The following SLC24A2 variants were observed in gnomAD, a reference collection of about 807,000 sequenced individuals.
SLC24A2 encodes the protein sodium/potassium/calcium exchanger 2.
In SLC24A2, 36 loss-of-function variants were observed where a neutral mutation model predicts 62.0. The ratio of observed to expected loss-of-function variants is 0.58; its 90% CI spans 0.44 to 0.77. The LOEUF (loss-of-function observed/expected upper bound fraction) is 0.77, where lower values mean the gene tolerates loss of function less well. Ranked by LOEUF, SLC24A2 falls within the 30% of genes least tolerant of loss-of-function variation. The pLI is 0.00. For synonymous variants in SLC24A2, 358 were observed against 294.0 expected (o/e 1.22, Z -2.23); for missense variants, 846 against 817.9 (o/e 1.03, Z -0.42).
chr9:19,983,128 C>T, the SLC24A2 span, among the ~76,000 whole-genome samples: 1 of 152,130 alleles, frequency 6.6e-6, no homozygotes, highest in African/African-American at 2.4e-5. Flanking sequence ...TTTACCATTG[C>T]TATTCAACAT....
chr9:20,016,234 T>C, the SLC24A2 span, among the ~76,000 whole-genome samples: 186 of 152,334 alleles, frequency 1.2e-3, no homozygotes, highest in Middle Eastern at 3.4e-3. Flanking sequence ...TACTGTATTA[T>C]TACAGAACTC....
intron 7 of SLC24A2, among the ~76,000 whole-genome samples, chr9:19,556,212 T>C (rs1414755258): frequency 3.3e-5 from 5 of 152,174 alleles, no homozygotes; most frequent in Non-Finnish European, 7.3e-5. Flanking sequence ...TGATAATCCA[T>C]TTAGCTTCTT....
chr9:19,750,954 G>A (rs1249130628), intron 2 of SLC24A2, among the ~76,000 whole-genome samples: 2 of 152,160 alleles, frequency 1.3e-5, no homozygotes, highest in African/African-American at 4.8e-5. Context: ...CCGGCTTCTG[G>A]TAAGCCGGCT....
At chr9:19,839,186 A>G in the SLC24A2 span, among the ~76,000 whole-genome samples, 5 of 152,232 alleles carry the variant, frequency 3.3e-5, no homozygotes, top group South Asian at 6.2e-4. Context: ...GAAAACCACA[A>G]TGAGGTACCA....
intron 2 of SLC24A2, among the ~76,000 whole-genome samples, chr9:19,680,851 TTG>T (rs72142691): frequency 0.34 from 49,834 of 146,720 alleles, 9,481 homozygotes; most frequent in East Asian, 0.64. Context: ...TATACCAGAG[TTG>T]TGTGTGTGTG....
At chr9:19,584,734 AAAAT>A (rs1342423810) in intron 5 of SLC24A2, among the ~76,000 whole-genome samples, 1 of 152,174 alleles carries the variant, frequency 6.6e-6, no homozygotes, top group African/African-American at 2.4e-5. Flanking sequence ...TTATTTCTTA[AAAAT>A]AATAATTTCA....
At chr9:19,991,035 CACATACATACATACAT>C in the SLC24A2 span, among the ~76,000 whole-genome samples, 4 of 146,924 alleles carry the variant, frequency 2.7e-5, no homozygotes, top group Admixed American at 1.4e-4. Context: ...CATATATACA[CACATACATACATACAT>C]ACATACATAC....
intron 2 of SLC24A2, among the ~76,000 whole-genome samples, chr9:19,722,797 A>C (rs1376469255): frequency 1.3e-5 from 2 of 152,140 alleles, no homozygotes; most frequent in African/African-American, 4.8e-5. Context: ...ATCTTAGCAC[A>C]TATGTATTGT....
At chr9:20,144,571 T>C in the SLC24A2 span, among the ~76,000 whole-genome samples, 2 of 152,146 alleles carry the variant, frequency 1.3e-5, no homozygotes, top group East Asian at 3.9e-4. Context: ...AGATCCACTG[T>C]TTAACAAAAA....
chr9:20,079,003 A>G, the SLC24A2 span, among the ~76,000 whole-genome samples: 1 of 145,340 alleles, frequency 6.9e-6, no homozygotes, highest in Non-Finnish European at 1.5e-5. Context: ...CCCCTAGAAC[A>G]TGTGAATGTG....
intron 9 of SLC24A2, among the ~76,000 whole-genome samples, chr9:19,527,701 G>GT (rs1488657796): frequency 1.3e-5 from 2 of 152,322 alleles, no homozygotes; most frequent in South Asian, 2.1e-4. Context: ...AGAACGTGAG[G>GT]TGAGTGGCTG....
chr9:19,824,963 T>G, the SLC24A2 span, among the ~76,000 whole-genome samples: 1 of 152,074 alleles, frequency 6.6e-6, no homozygotes, highest in Non-Finnish European at 1.5e-5. Context: ...AAGTGGGAGT[T>G]GAACAATGAG....
chr9:20,082,214 C>G, the SLC24A2 span, among the ~76,000 whole-genome samples: 1 of 152,216 alleles, frequency 6.6e-6, no homozygotes, highest in Non-Finnish European at 1.5e-5. Context: ...TTGATACCCT[C>G]AACCAGAGTG....
chr9:20,069,675 C>T, the SLC24A2 span, among the ~76,000 whole-genome samples: 51 of 152,198 alleles, frequency 3.4e-4, no homozygotes, highest in African/African-American at 1.1e-3. Context: ...GTAAGTAATA[C>T]AGTTCAGTTG....
the SLC24A2 span, among the ~76,000 whole-genome samples, chr9:20,185,078 T>C: frequency 1.3e-5 from 2 of 152,234 alleles, no homozygotes; most frequent in South Asian, 4.1e-4. Flanking sequence ...ATGGTGGTTA[T>C]CTGTGTTGAG....
At chr9:19,577,577 G>A (rs1252978131) in intron 5 of SLC24A2, among the ~76,000 whole-genome samples, 1 of 152,182 alleles carries the variant, frequency 6.6e-6, no homozygotes, top group Non-Finnish European at 1.5e-5. Context: ...AAACGAGTAA[G>A]GAACATGCAT....
chr9:19,633,653 A>C (rs78715608), intron 2 of SLC24A2, among the ~76,000 whole-genome samples: 4 of 152,182 alleles, frequency 2.6e-5, no homozygotes, highest in African/African-American at 4.8e-5. Context: ...ACAGGCGATC[A>C]ACTTTATTGC....
the SLC24A2 span, among the ~76,000 whole-genome samples, chr9:20,289,392 A>G: frequency 3.9e-5 from 6 of 152,288 alleles, no homozygotes; most frequent in South Asian, 1.2e-3. Context: ...GTCCACAGTC[A>G]TACCTTCTTC....
At chr9:19,714,712 G>A (rs975701213) in intron 2 of SLC24A2, among the ~76,000 whole-genome samples, 2 of 152,116 alleles carry the variant, frequency 1.3e-5, no homozygotes, top group African/African-American at 4.8e-5. Context: ...TCATTACAGT[G>A]AAACAAATTA....
Sources: allele counts gnomAD v4.1 joint callset (sites outside exome capture counted in the v4.1 genomes callset), GRCh38; gene constraint gnomAD v4.1.1; transcripts MANE v1.5; gene names NCBI Gene and HGNC (gene_info 2026-07-23, HGNC 2026-07-21).